Variants in FNBP1 observed in about 807,000 individuals in gnomAD.
FNBP1 encodes the protein formin binding protein 1.
A neutral mutation model predicts 90.6 loss-of-function variants in FNBP1; 26 were observed. The observed-to-expected ratio is 0.29, with a 90% confidence interval of 0.21 to 0.40. The LOEUF (loss-of-function observed/expected upper bound fraction) is 0.40. FNBP1 is among the 10% of genes least tolerant of loss of function. The pLI, the probability that FNBP1 is intolerant of heterozygous loss-of-function variation, is 1.00. For synonymous variants in FNBP1, 260 were observed against 265.2 expected (o/e 0.98, Z 0.19); for missense variants, 635 against 768.0 (o/e 0.83, Z 2.05).
chr9:130,013,203 T>C (rs938140740), intron 1 of FNBP1, among the ~76,000 whole-genome samples: 2 of 151,638 alleles, frequency 1.3e-5, no homozygotes, highest in Non-Finnish European at 2.9e-5. Flanking sequence ...TGGTCTTGAA[T>C]ACCTGGGCTC....
At chr9:129,990,716 A>G (rs1281297637) in intron 2 of FNBP1, among the ~76,000 whole-genome samples, 1 of 152,140 alleles carries the variant, frequency 6.6e-6, no homozygotes, top group Admixed American at 6.6e-5. Flanking sequence ...ATAGAGGTAG[A>G]ATAAGGGAAA....
In FNBP1 at chr9:129,890,544, A is replaced by C; in HGVS notation, c.1849T>G (p.Ser617Ala). The C allele has an allele frequency of 6.3e-7, 1 of 1,585,332 alleles. No homozygotes were observed. The stretch of plus-strand genomic sequence containing the variant: ...AGGCTCGCAGGCACTCCCCTCTAGG[A>C]ATCTACAACACAAAGAGAAACAGAA... ...EVCLDKNAKD[S>A] Residue 617 changes from serine (S) to alanine (A), a missense_variant and splice_region_variant, in exon 17 of 17, where the codon TCC (serine) becomes GCC (alanine). Ser to Ala is a moderately conservative substitution (Grantham distance 99, BLOSUM62 1). Coordinates refer to ENST00000446176, the MANE Select transcript of FNBP1 (RefSeq NM_015033.3). The surrounding 1 kb of genome is among the most constrained non-coding windows in gnomAD (Gnocchi z 5.8).
upstream of FNBP1, among the ~76,000 whole-genome samples, chr9:130,044,266 C>A (rs1400752250): frequency 6.6e-6 from 1 of 152,166 alleles, no homozygotes; most frequent in Non-Finnish European, 1.5e-5. Flanking sequence ...AAATATTTTA[C>A]GATGATGCAT....
chr9:130,036,937 C>T (rs1002733582), intron 1 of FNBP1, among the ~76,000 whole-genome samples: 1 of 151,050 alleles, frequency 6.6e-6, no homozygotes, highest in East Asian at 1.9e-4. Context: ...CCCAGCTACT[C>T]GGGAGGCTGA....
chr9:130,039,551 C>T (rs1348106714), intron 1 of FNBP1, among the ~76,000 whole-genome samples: 2 of 151,850 alleles, frequency 1.3e-5, no homozygotes, highest in Non-Finnish European at 2.9e-5. Context: ...TAATGCACAC[C>T]TGTAGTCCCA....
At chr9:129,952,713 A>G (rs2046370868) in intron 6 of FNBP1, among the ~76,000 whole-genome samples, 2 of 152,192 alleles carry the variant, frequency 1.3e-5, no homozygotes, top group South Asian at 4.1e-4. Flanking sequence ...TGAAAAATGA[A>G]ATCACTTGAA....
chr9:130,003,840 C>G (rs1253545021), intron 1 of FNBP1, among the ~76,000 whole-genome samples: 2 of 141,910 alleles, frequency 1.4e-5, no homozygotes, highest in East Asian at 4.3e-4. Context: ...AGGAGAATGG[C>G]GTGAACCCGG....
intron 1 of FNBP1, among the ~76,000 whole-genome samples, chr9:129,995,622 G>A (rs2053871538): frequency 6.6e-6 from 1 of 152,130 alleles, no homozygotes; most frequent in African/African-American, 2.4e-5. Context: ...GCTGGGCATG[G>A]TGTTGTACCA....
intron 6 of FNBP1, among the ~76,000 whole-genome samples, chr9:129,944,793 T>A (rs1225689381): frequency 4.6e-5 from 7 of 152,204 alleles, no homozygotes; most frequent in Non-Finnish European, 7.3e-5. Flanking sequence ...TCATGCCATT[T>A]GTAAGCGACA....
At chr9:129,978,773 C>T (rs948404468) in intron 3 of FNBP1, among the ~76,000 whole-genome samples, 161 bp from the exon 4 acceptor site, 5 of 152,130 alleles carry the variant, frequency 3.3e-5, no homozygotes, top group African/African-American at 1.2e-4. Flanking sequence ...AACAAAATGG[C>T]TCAGAATTAA....
rs959810689 is a variant in FNBP1, at chr9:129,957,257, C to T, written c.513+103G>A. On this transcript the variant is annotated intron_variant, in intron 6 of 16. Transcript: ENST00000446176. The surrounding 1 kb of genome is among the most constrained non-coding windows in gnomAD (Gnocchi z 4.3). ...TTCACCATCTTGGCCAGGCTGGTCT[C>T]GAACTCCTGGCCTCAGGTGATCCGC... 29 of 781,834 alleles carry T rather than the reference C, an allele frequency of 3.7e-5. No homozygotes were observed. The highest frequency in any genetic ancestry group is 5.3e-5 in the Non-Finnish European group (25 of 473,376). 48.4% of individuals were successfully genotyped at this position (781,834 alleles called of 1,614,324 possible). A position where few individuals can be genotyped will look rare whatever the true frequency, so the allele number is the denominator to read the frequency against.
chr9:130,023,099 C>T (rs1308853318), intron 1 of FNBP1, among the ~76,000 whole-genome samples: 1 of 151,752 alleles, frequency 6.6e-6, no homozygotes, highest in African/African-American at 2.4e-5. Context: ...AAAAGTGTGA[C>T]TAGTATGCTA....
chr9:130,020,613 C>T (rs758133771), intron 1 of FNBP1, among the ~76,000 whole-genome samples: 1 of 152,078 alleles, frequency 6.6e-6, no homozygotes, highest in African/African-American at 2.4e-5. Context: ...TAAACTACTT[C>T]GCATCAACAT....
Position 130,011,305 on chromosome 9 carries a change from G to C in FNBP1, c.25-16347C>G, listed in dbSNP as rs1167487111. Among the ~76,000 whole-genome samples, 3 of 114,788 alleles carry C rather than the reference G, an allele frequency of 2.6e-5. No homozygotes were observed. The East Asian group carries it at 8.0e-4, about 31-fold the overall frequency. 75.3% of individuals were successfully genotyped at this position (114,788 alleles called of 152,430 possible). On this transcript the variant is annotated intron_variant, in intron 1 of 16. Transcript: ENST00000446176. The stretch of plus-strand genomic sequence containing the variant: ...ACATTATTACTTATAACAGCATGAA[G>C]AATTACAAGTAGACAGAAACAAACA...
intron 6 of FNBP1, among the ~76,000 whole-genome samples, chr9:129,930,941 A>C (rs74847552): frequency 0.013 from 1,937 of 152,338 alleles, 17 homozygotes; most frequent in Middle Eastern, 0.024. Flanking sequence ...GCTGTCTTCC[A>C]ACATAACCAG....
At chr9:130,024,800 A>G (rs190150278) in intron 1 of FNBP1, among the ~76,000 whole-genome samples, 120 of 152,314 alleles carry the variant, frequency 7.9e-4, no homozygotes, top group African/African-American at 2.7e-3. Context: ...TTTTTCTGCA[A>G]TGACATTGTT....
intron 6 of FNBP1, among the ~76,000 whole-genome samples, chr9:129,951,723 G>A (rs2046206924): frequency 6.6e-6 from 1 of 151,966 alleles, no homozygotes; most frequent in Non-Finnish European, 1.5e-5. Context: ...GGGATTACAG[G>A]CATGAGCCAC....
intron 1 of FNBP1, among the ~76,000 whole-genome samples, chr9:130,010,874 A>G (rs2056464821): frequency 1.3e-5 from 2 of 151,754 alleles, no homozygotes; most frequent in East Asian, 3.9e-4. Context: ...AGTAGGGAAC[A>G]GTAGAGTGCT....
intron 4 of FNBP1, among the ~76,000 whole-genome samples, chr9:129,965,932 C>G (rs757633266): frequency 1.4e-4 from 22 of 152,094 alleles, no homozygotes; most frequent in Non-Finnish European, 2.9e-4. Context: ...GGATATAAAG[C>G]TGTTACTTGC....
Sources: allele counts gnomAD v4.1 joint callset (sites outside exome capture counted in the v4.1 genomes callset), GRCh38; gene constraint gnomAD v4.1.1; non-coding constraint Gnocchi (gnomAD v3.1); transcripts MANE v1.5; gene names NCBI Gene and HGNC (gene_info 2026-07-23, HGNC 2026-07-21).